C7orf78: variants seen among roughly 807,000 people sequenced by gnomAD.
C7orf78 encodes chromosome 7 open reading frame 78.
the C7orf78 span, among the ~76,000 whole-genome samples, chr7:12,493,213 T>C: frequency 6.6e-6 from 1 of 152,124 alleles, no homozygotes; most frequent in East Asian, 1.9e-4. Flanking sequence ...AGTAAATAAA[T>C]CTATAAAATC....
the C7orf78 span, chr7:12,491,915 C>A: frequency 6.6e-6 from 1 of 152,302 alleles, no homozygotes; most frequent in East Asian, 1.9e-4. Context: ...GGCAGCATAT[C>A]CCTCTGGCCA....
the C7orf78 span, among the ~76,000 whole-genome samples, chr7:12,526,873 T>C: frequency 2.6e-5 from 4 of 152,212 alleles, no homozygotes; most frequent in Non-Finnish European, 4.4e-5. Flanking sequence ...TTTCCTAGTA[T>C]ATGCTATGTG....
At chr7:12,518,830 C>T in the C7orf78 span, among the ~76,000 whole-genome samples, 11 of 152,084 alleles carry the variant, frequency 7.2e-5, no homozygotes, top group Middle Eastern at 0.01. Context: ...GCATAGTGGC[C>T]CTGCTGTTTG....
chr7:12,523,088 T>A, the C7orf78 span: 2 of 397,998 alleles, frequency 5.0e-6, no homozygotes, highest in Non-Finnish European at 8.9e-6. Context: ...CAACTCCAAA[T>A]GGAAAAAAAG....
At chr7:12,532,526 A>T in the C7orf78 span, among the ~76,000 whole-genome samples, 2 of 149,694 alleles carry the variant, frequency 1.3e-5, no homozygotes, top group Non-Finnish European at 3.0e-5. Context: ...ACCAGCCCGG[A>T]TGACAGAGTG....
chr7:12,494,966 T>C, the C7orf78 span, among the ~76,000 whole-genome samples: 2 of 152,276 alleles, frequency 1.3e-5, no homozygotes, highest in Non-Finnish European at 2.9e-5. Flanking sequence ...ACAGTTGACA[T>C]CCAAACTCAG....
At chr7:12,507,220 A>G in the C7orf78 span, 20 of 180,772 alleles carry the variant, frequency 1.1e-4, no homozygotes, top group Non-Finnish European at 1.9e-4. Context: ...GGCAGGAGAA[A>G]TCACTTGAAC....
At chr7:12,531,569 A>T in the C7orf78 span, among the ~76,000 whole-genome samples, 16 of 152,250 alleles carry the variant, frequency 1.1e-4, no homozygotes, top group Non-Finnish European at 2.4e-4. Flanking sequence ...ACAGTCCCTC[A>T]TATCTTCTTG....
chr7:12,533,941 A>C, the C7orf78 span, among the ~76,000 whole-genome samples: 1 of 152,192 alleles, frequency 6.6e-6, no homozygotes, highest in African/African-American at 2.4e-5. Context: ...CATACTTCAA[A>C]AGCAAATCTA....
At chr7:12,483,445 A>T in the C7orf78 span, 1 of 152,348 alleles carries the variant, frequency 6.6e-6, no homozygotes, top group South Asian at 2.1e-4. Flanking sequence ...GATTTCTCAA[A>T]GACAAAGAAC....
the C7orf78 span, among the ~76,000 whole-genome samples, chr7:12,497,315 G>A: frequency 2.5e-4 from 38 of 152,280 alleles, no homozygotes; most frequent in African/African-American, 8.4e-4. Context: ...CTAAGGTACC[G>A]GGTTCATCTC....
the C7orf78 span, among the ~76,000 whole-genome samples, chr7:12,533,815 C>T: frequency 1.3e-5 from 2 of 151,976 alleles, no homozygotes; most frequent in Admixed American, 1.3e-4. Flanking sequence ...CATACCTAGC[C>T]CCCAGCCACC....
chr7:12,497,940 A>C, the C7orf78 span, among the ~76,000 whole-genome samples: 5 of 140,046 alleles, frequency 3.6e-5, no homozygotes, highest in Non-Finnish European at 8.1e-5. Context: ...ACCCCTGAGC[A>C]GCCTAACTGG....
the C7orf78 span, among the ~76,000 whole-genome samples, chr7:12,526,330 G>A: frequency 8.1e-3 from 1,229 of 152,106 alleles, 16 homozygotes; most frequent in African/African-American, 0.028. Context: ...ACTTAGTAAT[G>A]TATTAAAAAA....
At chr7:12,519,380 T>G in the C7orf78 span, among the ~76,000 whole-genome samples, 1 of 152,100 alleles carries the variant, frequency 6.6e-6, no homozygotes, top group African/African-American at 2.4e-5. Flanking sequence ...TGCAGTGAAA[T>G]GCAGAGAAGG....
At chr7:12,489,626 A>G in the C7orf78 span, among the ~76,000 whole-genome samples, 51 of 152,116 alleles carry the variant, frequency 3.4e-4, 1 homozygote, top group South Asian at 2.3e-3. Context: ...CTTCACCTGT[A>G]TCTAGAAGCG....
the C7orf78 span, among the ~76,000 whole-genome samples, chr7:12,521,539 T>G: frequency 6.6e-6 from 1 of 151,998 alleles, no homozygotes; most frequent in Non-Finnish European, 1.5e-5. Context: ...GATATTAGAT[T>G]TGCTAAGTAG....
the C7orf78 span, among the ~76,000 whole-genome samples, chr7:12,519,229 G>T: frequency 2.7e-4 from 41 of 152,268 alleles, no homozygotes; most frequent in African/African-American, 9.9e-4. Context: ...CCATGCAGAA[G>T]TGAGAAAGAA....
the C7orf78 span, among the ~76,000 whole-genome samples, chr7:12,486,083 A>G: frequency 0.22 from 34,073 of 151,982 alleles, 4,791 homozygotes; most frequent in East Asian, 0.51. Flanking sequence ...TCTTCTACAC[A>G]TTTGTTTTGC....
Sources: gnomAD v4.1 joint callset for allele counts (sites outside exome capture counted in the v4.1 genomes callset) on GRCh38, gnomAD v4.1.1 for gene constraint, MANE v1.5 for transcripts, NCBI Gene and HGNC (gene_info 2026-07-23, HGNC 2026-07-21) for gene names.